ARMC7: variants seen among roughly 807,000 people sequenced by gnomAD.
ARMC7 encodes armadillo repeat-containing protein 7.
ARMC7 carries 9 observed loss-of-function variants against 14.8 expected under a neutral mutation model. The ratio of observed to expected loss-of-function variants is 0.61; its 90% CI spans 0.37 to 1.06. The LOEUF (loss-of-function observed/expected upper bound fraction) is 1.06. ARMC7 is among the 50% of genes least tolerant of loss of function. The pLI, the probability that ARMC7 is intolerant of heterozygous loss-of-function variation, is 0.01. For synonymous variants in ARMC7, 125 were observed against 123.4 expected, an observed-to-expected ratio of 1.01 and a Z score of -0.09; for missense variants, 262 against 267.1, an observed-to-expected ratio of 0.98 and a Z score of 0.13.
At chr17:75,121,590 T>G (rs1357165683) in intron 2 of ARMC7, among the ~76,000 whole-genome samples, 1 of 152,124 alleles carries the variant, frequency 6.6e-6, no homozygotes, top group Non-Finnish European at 1.5e-5. Context: ...ATTTTTGTAT[T>G]TTTAGTAGAG....
At chr17:75,121,405 G>A (rs2074012645) in intron 2 of ARMC7, among the ~76,000 whole-genome samples, 1 of 152,078 alleles carries the variant, frequency 6.6e-6, no homozygotes, top group South Asian at 2.1e-4. Context: ...CCAACACTTA[G>A]TATTGGCCTT....
chr17:75,122,007 TCTC>T (rs2074017121), intron 2 of ARMC7, among the ~76,000 whole-genome samples: 2 of 152,220 alleles, frequency 1.3e-5, no homozygotes, highest in East Asian at 3.9e-4. Context: ...GATGAGTTAT[TCTC>T]CTATCTCAGT....
chr17:75,128,612 C>T lies in ARMC7; in HGVS notation c.236-65C>T, dbSNP rs947050872. The stretch of plus-strand genomic sequence containing the variant: ...AGCCTGGGCCCCTACCTGGGGCTCA[C>T]GGGCAGGGGAGGTGGGAGGAGGCCC... On this transcript the variant is annotated intron_variant, in intron 2 of 2. Transcript: ENST00000245543. 69 of 1,547,996 alleles carry T rather than the reference C, an allele frequency of 4.5e-5. No individual in the cohort carries two copies. In the Admixed American group the frequency reaches 6.4e-4, roughly 14 times the overall value.
At chr17:75,128,626 G>A (rs780791450) in intron 2 of ARMC7, 51 bp from the exon 3 acceptor site, 8 of 1,563,098 alleles carry the variant, frequency 5.1e-6, no homozygotes, top group Non-Finnish European at 6.9e-6. Context: ...CAGGGGAGGT[G>A]GGAGGAGGCC....
intron 2 of ARMC7, among the ~76,000 whole-genome samples, chr17:75,118,131 A>AAC (rs1049468826): frequency 5.3e-5 from 8 of 152,082 alleles, no homozygotes; most frequent in African/African-American, 1.9e-4. Context: ...TCAAAAAAAA[A>AAC]AAAAAAACAA....
chr17:75,114,235 G>C (rs1183073133), intron 2 of ARMC7: 2 of 401,288 alleles, frequency 5.0e-6, no homozygotes, highest in East Asian at 3.6e-5. Context: ...ACCAGGGGGC[G>C]ATAGAGCTCC....
At position 75,110,491 on chromosome 17, in the gene ARMC7, C is replaced by T; in HGVS notation, c.120C>T (p.Leu40=). The T allele has an allele frequency of 6.2e-7, 1 of 1,614,226 alleles. No individual in the cohort carries two copies. Among genetic ancestry groups the T allele is most frequent in the Non-Finnish European group, 8.5e-7 (1 of 1,180,044 alleles). The change falls in exon 2 of 3, where the codon CTC becomes CTT. Residue 40 remains leucine (L), a synonymous_variant. Transcript: ENST00000245543. ...QDAKEQVLAN[L]ANFAYDPSNY... is the part of the protein sequence containing the mutation. Reference sequence around the variant, plus strand: ...CCAAGGAGCAAGTCCTCGCCAACCTCGCCAACTTCGCTTATGACCCCAGCA... The same window carrying T: ...CCAAGGAGCAAGTCCTCGCCAACCTTGCCAACTTCGCTTATGACCCCAGCA...
intron 2 of ARMC7, among the ~76,000 whole-genome samples, chr17:75,126,384 T>C (rs2074051430): frequency 6.6e-6 from 1 of 152,204 alleles, no homozygotes; most frequent in Non-Finnish European, 1.5e-5. Flanking sequence ...GAACCACTGA[T>C]CTGTCACTGT....
chr17:75,120,724 G>A (rs1308456693), intron 2 of ARMC7, among the ~76,000 whole-genome samples: 1 of 148,534 alleles, frequency 6.7e-6, no homozygotes, highest in African/African-American at 2.5e-5. Context: ...TGAGGCAGGA[G>A]AATCACTTGA....
chr17:75,124,553 C>G (rs865892886), intron 2 of ARMC7, among the ~76,000 whole-genome samples: 2 of 152,248 alleles, frequency 1.3e-5, no homozygotes, highest in Non-Finnish European at 2.9e-5. Flanking sequence ...AGGCCGCTCC[C>G]GTCAGCTCGG....
In ARMC7 at chr17:75,123,356, CT is replaced by C. The variant is rs1210962657; in HGVS notation, c.236-5306del. 9.9e-3 allele frequency among the ~76,000 whole-genome samples: 1,291 copies of C among 130,892 alleles called. 10 individuals are homozygous for C. The highest frequency in any genetic ancestry group is 0.025 in the African/African-American group (903 of 35,600). 85.9% of individuals were successfully genotyped at this position (130,892 alleles called of 152,430 possible). A position where few individuals can be genotyped will look rare whatever the true frequency, so the allele number is the denominator to read the frequency against. ...AGCCACCACACCTGGCCTTTGAAGA[CT>C]TTTTTTTTTTTTTTGAGACCGAGTT... On this transcript the variant is annotated intron_variant, in intron 2 of 2. Coordinates refer to ENST00000245543, the MANE Select transcript of ARMC7 (RefSeq NM_024585.4).
intron 2 of ARMC7, among the ~76,000 whole-genome samples, chr17:75,118,157 C>T (rs1171330689): frequency 6.6e-6 from 1 of 151,330 alleles, no homozygotes; most frequent in Non-Finnish European, 1.5e-5. Context: ...TCTTTAGTTT[C>T]TATGGGGAAA....
intron 2 of ARMC7, among the ~76,000 whole-genome samples, chr17:75,124,516 C>T (rs2074036993): frequency 6.6e-6 from 1 of 152,226 alleles, no homozygotes; most frequent in Non-Finnish European, 1.5e-5. Context: ...ATCCCATCAC[C>T]CCACCCGCAG....
intron 2 of ARMC7, among the ~76,000 whole-genome samples, chr17:75,110,931 G>A (rs1208841049): frequency 7.0e-6 from 1 of 143,616 alleles, no homozygotes; most frequent in African/African-American, 2.7e-5. Flanking sequence ...ACAGCCTCGG[G>A]GACAAGAGTG....
rs535680101 is a variant in ARMC7 at position 75,111,810 on chromosome 17, T to C, written c.235+1204T>C. Among the ~76,000 whole-genome samples the C allele has an allele frequency of 2.6e-5, 4 of 151,568 alleles. No individual in the cohort carries two copies. In the East Asian group the frequency reaches 5.8e-4, roughly 22 times the overall value. ...GAGATGGCTTGCAGTCTGTAACTTA[T>C]GGCTTCTGTAGTTGTTATGATCTTA... is the stretch of plus-strand genomic sequence containing the variant. On this transcript the variant is annotated intron_variant, in intron 2 of 2. Transcript: ENST00000245543.
chr17:75,112,382 G>A (rs1172306523), intron 2 of ARMC7, among the ~76,000 whole-genome samples: 1 of 152,106 alleles, frequency 6.6e-6, no homozygotes, highest in East Asian at 1.9e-4. Flanking sequence ...CGTGTGCTGT[G>A]ATTGCACGAT....
chr17:75,129,409 C>T lies in ARMC7; in HGVS notation c.*371C>T, dbSNP rs566124346. Reference sequence around the variant, plus strand: ...AGGCTTAGGAGAGCTGCCTTCGCTGCAGGAAATCAGGGATTATCCCTTAAC... The same window carrying T: ...AGGCTTAGGAGAGCTGCCTTCGCTGTAGGAAATCAGGGATTATCCCTTAAC... On this transcript the variant is annotated 3_prime_UTR_variant, in exon 3 of 3. Coordinates refer to ENST00000245543, the MANE Select transcript of ARMC7 (RefSeq NM_024585.4). 6.3e-5 allele frequency: 17 copies of T among 268,904 alleles called. No homozygotes were observed. In the East Asian group the frequency reaches 1.3e-3, roughly 21 times the overall value. 16.7% of individuals were successfully genotyped at this position (268,904 alleles called of 1,614,324 possible).
intron 2 of ARMC7, among the ~76,000 whole-genome samples, chr17:75,113,031 T>C (rs2073940652): frequency 1.3e-5 from 2 of 151,896 alleles, no homozygotes; most frequent in South Asian, 2.1e-4. Flanking sequence ...TATTTTATTT[T>C]ATTTTATTTT....
chr17:75,130,220 TAGA>T lies in ARMC7; in HGVS notation c.*1186_*1188del. ...CTTTATGTTCCCAAATAAAGGGTCC[TAGA>T]AGACTAGAAAGCCAAGGTCTTTTAT... On this transcript the variant is annotated 3_prime_UTR_variant, in exon 3 of 3. Coordinates refer to ENST00000245543, the MANE Select transcript of ARMC7 (RefSeq NM_024585.4). 1 of 486,162 alleles carries T rather than the reference TAGA, an allele frequency of 2.1e-6. No homozygotes were observed. Among genetic ancestry groups the T allele is most frequent in the Non-Finnish European group, 3.7e-6 (1 of 268,546 alleles). The allele number at this position is 486,162 out of a possible 1,614,324, so 30.1% of individuals were successfully genotyped here.
Sources: allele counts gnomAD v4.1 joint callset (sites outside exome capture counted in the v4.1 genomes callset), GRCh38; gene constraint gnomAD v4.1.1; transcripts MANE v1.5; gene names NCBI Gene and HGNC (gene_info 2026-07-23, HGNC 2026-07-21).